Variants in PDE1A observed in about 807,000 individuals in gnomAD.
PDE1A encodes dual specificity calcium/calmodulin-dependent 3',5'-cyclic nucleotide phosphodiesterase 1A.
In PDE1A, 35 loss-of-function variants were observed where a neutral mutation model predicts 61.7. The observed-to-expected ratio is 0.57, with a 90% CI of 0.43 to 0.75. PDE1A has a LOEUF of 0.75. Among genes scored for constraint, PDE1A ranks in the 30% least tolerant of loss-of-function variants. The pLI is 0.00. For synonymous variants in PDE1A, 232 were observed against 213.2 expected, an observed-to-expected ratio of 1.09 and a Z score of -0.77; for missense variants, 597 against 630.6, an observed-to-expected ratio of 0.95 and a Z score of 0.57.
At chr2:182,536,051 T>C in the PDE1A span, among the ~76,000 whole-genome samples, 2 of 152,198 alleles carry the variant, frequency 1.3e-5, no homozygotes, top group Admixed American at 6.5e-5. Context: ...TTCACTGATA[T>C]AGCATGAGCT....
chr2:182,237,347 T>C (rs561755610), intron 3 of PDE1A, among the ~76,000 whole-genome samples: 5 of 152,050 alleles, frequency 3.3e-5, no homozygotes, highest in Admixed American at 2.6e-4. Flanking sequence ...CAAAAAACAA[T>C]TAGCCGTGCG....
chr2:182,621,236 G>A, the PDE1A span, among the ~76,000 whole-genome samples: 15 of 152,128 alleles, frequency 9.9e-5, no homozygotes, highest in African/African-American at 1.2e-4. Context: ...CTTAGAAGCA[G>A]GGCTATCCAT....
At chr2:182,586,179 A>G in the PDE1A span, among the ~76,000 whole-genome samples, 1 of 152,194 alleles carries the variant, frequency 6.6e-6, no homozygotes, top group Non-Finnish European at 1.5e-5. Context: ...ATTCAAATAG[A>G]ATATTATTTT....
chr2:182,330,268 T>C (rs1296705005), intron 1 of PDE1A, among the ~76,000 whole-genome samples: 3 of 151,686 alleles, frequency 2.0e-5, no homozygotes. Context: ...CACTTGAACC[T>C]GGGAGGTGGA....
At chr2:182,192,300 A>G (rs534400141) in intron 10 of PDE1A, among the ~76,000 whole-genome samples, 2 of 152,268 alleles carry the variant, frequency 1.3e-5, no homozygotes, top group South Asian at 4.1e-4. Flanking sequence ...GTACCTCACA[A>G]TTAATTTAGA....
At chr2:182,383,348 TATC>T (rs1214662166) in intron 1 of PDE1A, among the ~76,000 whole-genome samples, 1 of 152,208 alleles carries the variant, frequency 6.6e-6, no homozygotes, top group East Asian at 1.9e-4. Flanking sequence ...TCATCTCAAA[TATC>T]ATCTTGAGCC....
intron 2 of PDE1A, among the ~76,000 whole-genome samples, chr2:182,451,825 C>T (rs1338721137): frequency 6.6e-6 from 1 of 152,130 alleles, no homozygotes; most frequent in Non-Finnish European, 1.5e-5. Context: ...ACGGCTTTGT[C>T]TTTCTTACTA....
chr2:182,660,290 G>A, the PDE1A span, among the ~76,000 whole-genome samples: 2 of 152,200 alleles, frequency 1.3e-5, no homozygotes, highest in African/African-American at 4.8e-5. Flanking sequence ...ATGATGCCAT[G>A]AAACAAGAAA....
At chr2:182,698,003 T>C in the PDE1A span, among the ~76,000 whole-genome samples, 4 of 152,226 alleles carry the variant, frequency 2.6e-5, no homozygotes, top group Non-Finnish European at 5.9e-5. Flanking sequence ...TTCCTCTCTC[T>C]CTTCTTGAGA....
chr2:182,190,217 G>T (rs1413398008), intron 10 of PDE1A, among the ~76,000 whole-genome samples: 4 of 152,182 alleles, frequency 2.6e-5, no homozygotes, highest in African/African-American at 9.7e-5. Context: ...GGCCATCAAA[G>T]AAGTAGGAAA....
chr2:182,526,744 G>C (rs12464556), upstream of PDE1A, among the ~76,000 whole-genome samples: 51,061 of 151,976 alleles, frequency 0.34, 9,826 homozygotes, highest in East Asian at 0.59. Context: ...TTCTTTGGAG[G>C]AATGAATCCT....
intron 10 of PDE1A, among the ~76,000 whole-genome samples, chr2:182,197,627 G>A (rs934223651): frequency 6.6e-6 from 1 of 151,794 alleles, no homozygotes; most frequent in Non-Finnish European, 1.5e-5. Flanking sequence ...TTCACTAATT[G>A]CTGTTCCATT....
At chr2:182,386,862 G>A (rs959722248) in intron 1 of PDE1A, among the ~76,000 whole-genome samples, 5 of 151,354 alleles carry the variant, frequency 3.3e-5, no homozygotes, top group East Asian at 2.0e-4. Context: ...CTGCCCGGCC[G>A]CCCCTTCTGG....
At chr2:182,344,721 TTCTC>T (rs773754432) in intron 1 of PDE1A, among the ~76,000 whole-genome samples, 4 of 98,822 alleles carry the variant, frequency 4.0e-5, no homozygotes, top group Non-Finnish European at 9.4e-5. Flanking sequence ...TTTCTTTCCT[TTCTC>T]TCTGTCTCTC....
At chr2:182,696,137 T>C in the PDE1A span, among the ~76,000 whole-genome samples, 13 of 152,326 alleles carry the variant, frequency 8.5e-5, no homozygotes, top group South Asian at 2.7e-3. Context: ...GTTGAAAACT[T>C]ATGTCCGCAC....
chr2:182,588,188 G>A, the PDE1A span, among the ~76,000 whole-genome samples: 1 of 152,158 alleles, frequency 6.6e-6, no homozygotes, highest in African/African-American at 2.4e-5. Context: ...CTCATCATCT[G>A]TTCACTACAG....
chr2:182,586,903 A>C, the PDE1A span, among the ~76,000 whole-genome samples: 1 of 152,226 alleles, frequency 6.6e-6, no homozygotes, highest in Non-Finnish European at 1.5e-5. Context: ...ATAAGTGTGG[A>C]CAAGTAATCT....
At chr2:182,207,979 T>C (rs996421754) in intron 7 of PDE1A, among the ~76,000 whole-genome samples, 9 of 152,240 alleles carry the variant, frequency 5.9e-5, no homozygotes, top group Admixed American at 1.3e-4. Flanking sequence ...ACAGTAGTAA[T>C]TGAGGCTTGG....
At chr2:182,621,585 ATTTT>A in the PDE1A span, among the ~76,000 whole-genome samples, 1 of 150,308 alleles carries the variant, frequency 6.7e-6, no homozygotes, top group African/African-American at 2.5e-5. Flanking sequence ...TTAAAAAAAA[ATTTT>A]TTTTTTTGGT....
Sources: gnomAD v4.1 joint callset for allele counts (sites outside exome capture counted in the v4.1 genomes callset) on GRCh38, gnomAD v4.1.1 for gene constraint, MANE v1.5 for transcripts, NCBI Gene and HGNC (gene_info 2026-07-23, HGNC 2026-07-21) for gene names.